Variants in RALYL observed in about 807,000 individuals in gnomAD.
RALYL encodes RALY RNA binding protein like, also known as RNA-binding Raly-like protein.
RALYL carries 29 observed loss-of-function variants against 35.1 expected under a neutral mutation model. That is an observed-to-expected ratio of 0.83 (90% confidence interval 0.61 to 1.13). The LOEUF (loss-of-function observed/expected upper bound fraction) is 1.13. RALYL is among the 50% of genes most tolerant of loss of function. The pLI is 0.00. For missense variants in RALYL, 359 were observed against 360.4 expected (o/e 1.00, Z 0.03); for synonymous variants, 120 against 127.6 (o/e 0.94, Z 0.40).
chr8:84,772,702 C>G (rs886428388), intron 2 of RALYL, among the ~76,000 whole-genome samples: 4 of 152,004 alleles, frequency 2.6e-5, no homozygotes. Context: ...ATTAAACTCT[C>G]TTATTAATTG....
intron 1 of RALYL, among the ~76,000 whole-genome samples, chr8:84,296,041 G>A (rs1036799182): frequency 6.6e-6 from 1 of 152,066 alleles, no homozygotes; most frequent in African/African-American, 2.4e-5. Flanking sequence ...GGTTTTTGCT[G>A]TTTAAAAGTA....
intron 1 of RALYL, among the ~76,000 whole-genome samples, chr8:84,248,851 T>A (rs1250613454): frequency 6.6e-6 from 1 of 152,052 alleles, no homozygotes; most frequent in Non-Finnish European, 1.5e-5. Flanking sequence ...TTACAGAATA[T>A]AAGGAAGAAA....
intron 2 of RALYL, among the ~76,000 whole-genome samples, chr8:84,728,347 T>G (rs1244405448): frequency 2.0e-5 from 3 of 152,152 alleles, no homozygotes; most frequent in East Asian, 1.9e-4. Flanking sequence ...TAAATTTGTT[T>G]GAGTTCATTG....
intron 2 of RALYL, among the ~76,000 whole-genome samples, chr8:84,762,092 A>AAG (rs2133378023): frequency 6.6e-6 from 1 of 152,252 alleles, no homozygotes; most frequent in East Asian, 1.9e-4. Context: ...CAAGGAGACC[A>AAG]GAATAGCTAA....
chr8:84,579,373 G>T (rs1036614898), intron 2 of RALYL, among the ~76,000 whole-genome samples: 1 of 152,164 alleles, frequency 6.6e-6, no homozygotes, highest in Non-Finnish European at 1.5e-5. Context: ...CAAGAGTGCA[G>T]GGATCCCTGG....
chr8:84,512,177 C>T (rs972139512), intron 1 of RALYL, among the ~76,000 whole-genome samples: 6 of 151,966 alleles, frequency 3.9e-5, no homozygotes, highest in Admixed American at 1.3e-4. Flanking sequence ...TAAGAGTTCC[C>T]TTTTCTACAC....
chr8:84,881,769 T>G (rs965566823), intron 7 of RALYL, among the ~76,000 whole-genome samples: 1 of 152,002 alleles, frequency 6.6e-6, no homozygotes, highest in Non-Finnish European at 1.5e-5. Flanking sequence ...ATTGTTTAGC[T>G]AACTAGAACA....
chr8:84,514,737 T>C (rs1050359066), intron 1 of RALYL, among the ~76,000 whole-genome samples: 4 of 152,192 alleles, frequency 2.6e-5, no homozygotes, highest in African/African-American at 7.2e-5. Flanking sequence ...ATTCTCAATC[T>C]AAGAATAGTC....
At chr8:84,538,235 G>A (rs2059760077) in intron 2 of RALYL, among the ~76,000 whole-genome samples, 1 of 152,128 alleles carries the variant, frequency 6.6e-6, no homozygotes, top group South Asian at 2.1e-4. Flanking sequence ...ACCTAAATTA[G>A]CGAAAGCAGT....
At chr8:84,223,578 G>A (rs1823063085) in intron 1 of RALYL, among the ~76,000 whole-genome samples, 1 of 151,814 alleles carries the variant, frequency 6.6e-6, no homozygotes, top group Non-Finnish European at 1.5e-5. Flanking sequence ...CCCATGAGTT[G>A]GTTATTGCCT....
chr8:84,913,064 A>ATAGATAGATAGATAGATAGATAGATAGG (rs1311308321), intron 8 of RALYL, among the ~76,000 whole-genome samples: 4 of 151,704 alleles, frequency 2.6e-5, no homozygotes, highest in Non-Finnish European at 4.4e-5. Flanking sequence ...AGATAGATAG[A>ATAGATAGATAGATAGATAGATAGATAGG]TAGATAGATA....
chr8:84,383,782 TA>T (rs201551975), intron 1 of RALYL, among the ~76,000 whole-genome samples: 7,437 of 128,768 alleles, frequency 0.058, 350 homozygotes, highest in African/African-American at 0.14. Context: ...ACAGTTACAT[TA>T]AAAAAAAAAA....
intron 1 of RALYL, among the ~76,000 whole-genome samples, chr8:84,309,676 A>G (rs574822220): frequency 9.7e-4 from 148 of 152,340 alleles, no homozygotes; most frequent in Non-Finnish European, 1.8e-3. Flanking sequence ...ACATGGACCT[A>G]TGAAAACCAA....
At chr8:84,404,199 C>G (rs1586893366) in intron 1 of RALYL, among the ~76,000 whole-genome samples, 1 of 152,034 alleles carries the variant, frequency 6.6e-6, no homozygotes, top group South Asian at 2.1e-4. Flanking sequence ...CCAGAACTTA[C>G]AATATTATGT....
chr8:84,511,929 A>G (rs1047664280), intron 1 of RALYL, among the ~76,000 whole-genome samples: 1 of 152,062 alleles, frequency 6.6e-6, no homozygotes, highest in Admixed American at 6.6e-5. Context: ...CATTTCCTTT[A>G]TCCATTCATC....
intron 1 of RALYL, among the ~76,000 whole-genome samples, chr8:84,469,109 A>G (rs1391221606): frequency 6.6e-6 from 1 of 152,048 alleles, no homozygotes; most frequent in Non-Finnish European, 1.5e-5. Context: ...CGTAGCTCAG[A>G]GTAATTTGAT....
intron 6 of RALYL, 159 bp from the exon 7 acceptor site, chr8:84,873,125 C>T: frequency 2.2e-6 from 1 of 464,150 alleles, no homozygotes; most frequent in Non-Finnish European, 3.9e-6. Flanking sequence ...TCCAGTATTC[C>T]AGGATCACTA....
At chr8:84,371,213 A>G (rs1452398843) in intron 1 of RALYL, among the ~76,000 whole-genome samples, 2 of 151,974 alleles carry the variant, frequency 1.3e-5, no homozygotes, top group Non-Finnish European at 2.9e-5. Flanking sequence ...CATATATTTA[A>G]TATTATCTGA....
chr8:84,357,972 T>A (rs1021314826), intron 1 of RALYL, among the ~76,000 whole-genome samples: 2 of 151,680 alleles, frequency 1.3e-5, no homozygotes, highest in African/African-American at 4.8e-5. Flanking sequence ...TTTTTCTTTA[T>A]GATGTGGTTC....
Sources: allele counts gnomAD v4.1 joint callset (sites outside exome capture counted in the v4.1 genomes callset), GRCh38; gene constraint gnomAD v4.1.1; transcripts MANE v1.5; gene names NCBI Gene and HGNC (gene_info 2026-07-23, HGNC 2026-07-21).